CEP192: variants seen among roughly 807,000 people sequenced by gnomAD.
The protein encoded by CEP192 is centrosomal protein 192.
In CEP192, 151 loss-of-function variants were observed where a neutral mutation model predicts 271.8. The observed-to-expected ratio is 0.56, with a 90% CI of 0.49 to 0.64. The LOEUF is 0.64. Among genes scored for constraint, CEP192 ranks in the 30% least tolerant of loss-of-function variants. The pLI is 0.00. For synonymous variants in CEP192, 995 were observed against 1,076.5 expected, an observed-to-expected ratio of 0.92 and a Z score of 1.48; for missense variants, 2,910 against 3,020.5, an observed-to-expected ratio of 0.96 and a Z score of 0.86.
chr18:13,051,958 G>A (rs1311581966), intron 17 of CEP192, among the ~76,000 whole-genome samples: 2 of 152,216 alleles, frequency 1.3e-5, no homozygotes, highest in Admixed American at 6.5e-5. Flanking sequence ...ATCCATCCAA[G>A]TGAAGGGCTG....
At chr18:13,044,911 T>G (rs1193747099) in intron 15 of CEP192, among the ~76,000 whole-genome samples, 3 of 152,186 alleles carry the variant, frequency 2.0e-5, no homozygotes, top group Non-Finnish European at 4.4e-5. Context: ...CTTTATCTAA[T>G]GCCTTTACTT....
At chr18:13,069,698 G>C in intron 26 of CEP192, 40 bp from the exon 27 acceptor site, 1 of 1,231,310 alleles carries the variant, frequency 8.1e-7, no homozygotes, top group Non-Finnish European at 1.2e-6. Context: ...CTGCGTTTTT[G>C]TAAGTCGGCA....
intron 21 of CEP192, among the ~76,000 whole-genome samples, chr18:13,061,328 A>C (rs547122220): frequency 2.6e-5 from 4 of 152,268 alleles, no homozygotes; most frequent in Non-Finnish European, 2.9e-5. Flanking sequence ...GCCTGAAAAA[A>C]AATAAAGTTA....
chr18:13,022,503 G>T (rs2035049538), intron 9 of CEP192, among the ~76,000 whole-genome samples: 1 of 151,934 alleles, frequency 6.6e-6, no homozygotes, highest in Non-Finnish European at 1.5e-5. Flanking sequence ...TCCTCAGCCT[G>T]CCAGGTAGCT....
Position 13,008,639 on chromosome 18 carries a change from A to G in CEP192, c.466+8A>G, listed in dbSNP as rs1172887971. 4 of 1,514,452 alleles carry G rather than the reference A, an allele frequency of 2.6e-6. No homozygotes were observed. In the Admixed American group the frequency reaches 9.6e-5, roughly 36 times the overall value. The allele number at this position is 1,514,452 out of a possible 1,614,324, so 93.8% of individuals were successfully genotyped here. ...CACTGGAACAAGCACAAGGTACTGAACTATTTGAAATTATTTCTTAATGCA... is the reference window on the plus strand; with the variant it reads ...CACTGGAACAAGCACAAGGTACTGAGCTATTTGAAATTATTTCTTAATGCA... On this transcript the variant is annotated splice_region_variant and intron_variant, in intron 4 of 44. Coordinates refer to ENST00000506447, the MANE Select transcript of CEP192 (RefSeq NM_032142.4).
rs746262686 is a variant in CEP192, at chr18:13,096,275, A to G, written c.6525A>G (p.Thr2175=). ...TGTGCTGGCCAGCGCATTGCCTCAC[A>G]GTCACGCCGCAGCATGGATGTGTCG... The part of the protein sequence containing the change: ...FELCWPAHCL[T]VTPQHGCVAP... Residue 2175 remains threonine, a synonymous_variant, in exon 36 of 45, where the codon ACA becomes ACG. Coordinates refer to ENST00000506447, the MANE Select transcript of CEP192 (RefSeq NM_032142.4). The G allele has an allele frequency of 2.8e-5, 45 of 1,613,914 alleles. 1 individual carries two copies. Among genetic ancestry groups the G allele is most frequent in the Non-Finnish European group, 3.6e-5 (43 of 1,179,870 alleles).
At chr18:13,010,596 C>T (rs536732890) in intron 4 of CEP192, among the ~76,000 whole-genome samples, 5 of 152,218 alleles carry the variant, frequency 3.3e-5, no homozygotes, top group African/African-American at 4.8e-5. Context: ...CCGGTAATCT[C>T]AGCACTTTGG....
Position 12,992,314 on chromosome 18 carries a change from G to A in CEP192, c.-5+877G>A, listed in dbSNP as rs527717684. Reference sequence around the variant, plus strand: ...ACCTAGTTTTAAAGTATATCTTAAAGTGCCAAGAGTAAATGATGAGTTTTG... The same window carrying A: ...ACCTAGTTTTAAAGTATATCTTAAAATGCCAAGAGTAAATGATGAGTTTTG... On this transcript the variant is annotated intron_variant, in intron 1 of 44. Coordinates refer to ENST00000506447, the MANE Select transcript of CEP192 (RefSeq NM_032142.4). Among the ~76,000 whole-genome samples, 3 of 152,284 alleles carry A rather than the reference G, an allele frequency of 2.0e-5. No homozygotes were observed. The East Asian group carries it at 5.8e-4, about 29-fold the overall frequency.
rs2036022600 is a variant in CEP192 at position 13,038,368 on chromosome 18, A to G, written c.1600-2A>G. The G allele has an allele frequency of 6.5e-7, 1 of 1,549,904 alleles. No individual in the cohort carries two copies. Among genetic ancestry groups the G allele is most frequent in the Non-Finnish European group, 8.7e-7 (1 of 1,145,514 alleles). On this transcript the variant is annotated splice_acceptor_variant, in intron 12 of 44. Coordinates refer to ENST00000506447, the MANE Select transcript of CEP192 (RefSeq NM_032142.4). LOFTEE classifies it high-confidence loss of function. The stretch of plus-strand genomic sequence containing the variant: ...GAAACGAAACAATAACTTTCTCCCT[A>G]GGAAGAAAACATAGATGCTCATAAT...
At position 13,068,934 on chromosome 18, in the gene CEP192, T is replaced by C. The variant is rs1432994155; in HGVS notation, c.4905T>C (p.Ser1635=). The C allele has an allele frequency of 6.2e-7, 1 of 1,614,158 alleles. No homozygotes were observed. Among genetic ancestry groups the C allele is most frequent in the South Asian group, 1.1e-5 (1 of 91,084 alleles). The stretch of plus-strand genomic sequence containing the variant: ...CAAACCCTACGCCCGTTCTTAGAAG[T>C]GTGAGTCTCCGAGCAAGAGCAGGAA... ...DSPNPTPVLR[S]VSLRARAGIA... is the part of the protein sequence containing the mutation. Residue 1635 remains serine (S), a synonymous_variant, in exon 25 of 45, where the codon AGT becomes AGC. Transcript: ENST00000506447.
At chr18:13,018,954 G>T in intron 8 of CEP192, 128 bp from the exon 9 acceptor site, 1 of 852,114 alleles carries the variant, frequency 1.2e-6, no homozygotes, top group South Asian at 2.1e-5. Context: ...TACGAAAATG[G>T]CTAAATTTGT....
At chr18:13,090,920 A>G (rs1035890030) in intron 33 of CEP192, among the ~76,000 whole-genome samples, 3 of 152,194 alleles carry the variant, frequency 2.0e-5, no homozygotes, top group Non-Finnish European at 2.9e-5. Context: ...GCCCCACCAT[A>G]TAGCAACAGT....
chr18:12,998,193 C>T (rs973915990), intron 1 of CEP192, among the ~76,000 whole-genome samples: 2 of 152,176 alleles, frequency 1.3e-5, no homozygotes, highest in African/African-American at 2.4e-5. Context: ...TAAGTCCTCT[C>T]CCTTCCTGTA....
chr18:13,002,136 A>G (rs1385052152), intron 3 of CEP192, among the ~76,000 whole-genome samples: 2 of 152,228 alleles, frequency 1.3e-5, no homozygotes, highest in Non-Finnish European at 2.9e-5. Flanking sequence ...GGAAGACAGT[A>G]AAGGCCTGTA....
chr18:13,053,444 G>A (rs540250147), intron 18 of CEP192, among the ~76,000 whole-genome samples: 9 of 152,274 alleles, frequency 5.9e-5, no homozygotes, highest in South Asian at 2.1e-4. Flanking sequence ...AAGCCACACC[G>A]TGCAGGACTG....
chr18:13,087,062 G>A lies in CEP192; in HGVS notation c.5662G>A (p.Gly1888Ser). ...YGGTSNLILE[G>S]VKKLSDSYMV... ...AGGAACAAGCAATCTTATTTTGGAA[G>A]GCGTTAAAAAATTATCTGACAGTTA... The change falls in exon 31 of 45, where the codon GGC (glycine) becomes AGC (serine). Residue 1888 changes from glycine (G) to serine (S), a missense_variant. Physicochemically the swap from Gly to Ser is moderately conservative, Grantham distance 56. Coordinates refer to ENST00000506447, the MANE Select transcript of CEP192 (RefSeq NM_032142.4). 1.2e-6 allele frequency: 2 copies of A among 1,612,834 alleles called. No individual in the cohort carries two copies. Among genetic ancestry groups the A allele is most frequent in the Non-Finnish European group, 1.7e-6 (2 of 1,178,952 alleles).
chr18:13,069,016 G>A (rs148592835), intron 25 of CEP192, 25 bp downstream of exon 25: 39 of 1,614,098 alleles, frequency 2.4e-5, no homozygotes, highest in Non-Finnish European at 3.1e-5. Flanking sequence ...CCTTTCTGCC[G>A]TTACTGCTTT....
chr18:13,088,719 A>C (rs918831615), intron 32 of CEP192: 4 of 244,102 alleles, frequency 1.6e-5, no homozygotes, highest in Non-Finnish European at 3.4e-5. Flanking sequence ...TCTAATACAG[A>C]ATTTGGGAAA....
intron 15 of CEP192, among the ~76,000 whole-genome samples, chr18:13,046,756 A>G (rs1303021929): frequency 6.6e-6 from 1 of 151,168 alleles, no homozygotes; most frequent in Non-Finnish European, 1.5e-5. Context: ...ATAAGACATG[A>G]TGATGATTTA....
Sources: allele counts gnomAD v4.1 joint callset (sites outside exome capture counted in the v4.1 genomes callset), GRCh38; gene constraint gnomAD v4.1.1; transcripts MANE v1.5; gene names NCBI Gene and HGNC (gene_info 2026-07-23, HGNC 2026-07-21).